Variants in RPTOR observed in about 807,000 individuals in gnomAD.
RPTOR encodes regulatory-associated protein of mTOR.
Under a neutral mutation model 169.9 loss-of-function variants are expected in RPTOR, and 21 were observed. The ratio of observed to expected loss-of-function variants is 0.12; its 90% confidence interval spans 0.09 to 0.18. The LOEUF is 0.18. Ranked by LOEUF, RPTOR falls within the 10% of genes least tolerant of loss-of-function variation. The probability of loss-of-function intolerance (pLI) is 1.00; values close to 1 mark genes in which losing one functional copy is unlikely to be tolerated. For missense variants in RPTOR, 1,133 were observed against 1,855.9 expected, an observed-to-expected ratio of 0.61 and a Z score of 7.16; for synonymous variants, 732 against 753.2, an observed-to-expected ratio of 0.97 and a Z score of 0.46.
chr17:80,705,426 A>C (rs1306297945), intron 3 of RPTOR, among the ~76,000 whole-genome samples: 1 of 152,180 alleles, frequency 6.6e-6, no homozygotes, highest in Non-Finnish European at 1.5e-5. Context: ...GCAGGTACAA[A>C]AATTTGGGGG....
intron 2 of RPTOR, among the ~76,000 whole-genome samples, chr17:80,639,344 G>A (rs1297716466): frequency 1.3e-5 from 2 of 151,708 alleles, no homozygotes; most frequent in Non-Finnish European, 2.9e-5. Context: ...AAGATTGTCC[G>A]AGCAGTGAGT....
intron 13 of RPTOR, among the ~76,000 whole-genome samples, chr17:80,873,342 T>C (rs978615582): frequency 6.6e-6 from 1 of 152,082 alleles, no homozygotes; most frequent in African/African-American, 2.4e-5. Context: ...ATTGTGATGT[T>C]TCTCCACAGC....
chr17:80,809,337 G>A (rs1330758147), intron 7 of RPTOR, among the ~76,000 whole-genome samples: 2 of 152,088 alleles, frequency 1.3e-5, no homozygotes, highest in Admixed American at 6.5e-5. Flanking sequence ...GATTACAGGC[G>A]GGCGCCACCA....
intron 28 of RPTOR, among the ~76,000 whole-genome samples, chr17:80,950,250 G>T (rs1039429473): frequency 3.3e-5 from 5 of 152,220 alleles, no homozygotes; most frequent in Non-Finnish European, 7.3e-5. Context: ...CAGAGTGAAC[G>T]CGTTACCCCG....
chr17:80,960,017 G>T lies in RPTOR; in HGVS notation c.3478-61G>T, dbSNP rs2069314720. The T allele has an allele frequency of 6.2e-6, 10 of 1,602,072 alleles. No individual in the cohort carries two copies. The highest frequency in any genetic ancestry group is 1.3e-5 in the African/African-American group (1 of 74,874). On this transcript the variant is annotated intron_variant, in intron 29 of 33. Coordinates refer to ENST00000306801, the MANE Select transcript of RPTOR (RefSeq NM_020761.3). The surrounding 1 kb of genome is among the most constrained non-coding windows in gnomAD (Gnocchi z 4.8). ...AGCAAGAGGGGTCCTGGCGCTGCAG[G>T]ACAGCAGGGAGGGTGGCTCGGTGCC...
At chr17:80,798,156 C>T (rs115391204) in intron 7 of RPTOR, among the ~76,000 whole-genome samples, 4,956 of 152,284 alleles carry the variant, frequency 0.033, 282 homozygotes, top group African/African-American at 0.11. Context: ...CAATGTGCCC[C>T]GGGCAAGGGA....
chr17:80,616,176 A>G (rs368918910), intron 1 of RPTOR, among the ~76,000 whole-genome samples: 67 of 152,336 alleles, frequency 4.4e-4, no homozygotes, highest in African/African-American at 1.6e-3. Flanking sequence ...TGAATGACTC[A>G]GTCCCATGAT....
intron 13 of RPTOR, among the ~76,000 whole-genome samples, chr17:80,869,500 G>A (rs1043744280): frequency 2.0e-5 from 3 of 152,148 alleles, no homozygotes; most frequent in African/African-American, 7.2e-5. Context: ...AAAAATGTGG[G>A]GGGATTTATT....
Position 80,885,147 on chromosome 17 carries a change from A to T in RPTOR, c.1982A>T (p.Lys661Met), listed in dbSNP as rs1317043218. 5.8e-6 allele frequency: 9 copies of T among 1,553,446 alleles called. No individual in the cohort carries two copies. Among genetic ancestry groups the T allele is most frequent in the Non-Finnish European group, 7.8e-6 (9 of 1,148,486 alleles). ...LVSDGSPMVR[K>M]ELVVALSHLV... ...AGCGACGGGAGCCCCATGGTCCGGA[A>T]GGTGCGTGAACCCCCAGCCCGGCAG... The change falls in exon 17 of 34, where the codon AAG (lysine) becomes ATG (methionine). Residue 661 changes from lysine (K) to methionine (M), a missense_variant and splice_region_variant. Coordinates refer to ENST00000306801, the MANE Select transcript of RPTOR (RefSeq NM_020761.3).
In RPTOR at chr17:80,960,896, G is replaced by A. The variant is rs545455658; in HGVS notation, c.3606-498G>A. The stretch of plus-strand genomic sequence containing the variant: ...GGGGACAGTCCGTCTTGGCCCACAC[G>A]GCTCATGCAGCAGAAGTAAATTTCA... On this transcript the variant is annotated intron_variant, in intron 30 of 33. Coordinates refer to ENST00000306801, the MANE Select transcript of RPTOR (RefSeq NM_020761.3). This position sits in a 1 kb window ranked among gnomAD's most constrained non-coding sequence, Gnocchi z 4.8. 26 of 166,396 alleles carry A rather than the reference G, an allele frequency of 1.6e-4. No individual in the cohort carries two copies. Among genetic ancestry groups the A allele is most frequent in the African/African-American group, 5.5e-4 (23 of 41,862 alleles). The allele number at this position is 166,396 out of a possible 1,614,324, so 10.3% of individuals were successfully genotyped here.
At chr17:80,723,753 T>C (rs2066306570) in intron 4 of RPTOR, among the ~76,000 whole-genome samples, 7 of 151,440 alleles carry the variant, frequency 4.6e-5, no homozygotes. Flanking sequence ...AACACATGCA[T>C]ATTGATTTGC....
At chr17:80,739,993 A>T (rs2066468698) in intron 5 of RPTOR, among the ~76,000 whole-genome samples, 1 of 152,208 alleles carries the variant, frequency 6.6e-6, no homozygotes, top group Non-Finnish European at 1.5e-5. Flanking sequence ...TTAAAAGCTG[A>T]TTCTCAGAAA....
At chr17:80,891,011 T>G (rs2068315773) in intron 17 of RPTOR, among the ~76,000 whole-genome samples, 1 of 152,032 alleles carries the variant, frequency 6.6e-6, no homozygotes, top group Non-Finnish European at 1.5e-5. Context: ...CAGAAAAAGT[T>G]GTCGTAGGGA....
intron 7 of RPTOR, among the ~76,000 whole-genome samples, chr17:80,807,497 C>T (rs58671037): frequency 0.085 from 12,993 of 152,014 alleles, 1,891 homozygotes; most frequent in African/African-American, 0.3. Context: ...ATTACAGGCA[C>T]ACACCACCAC....
chr17:80,940,465 G>A (rs2069010815), intron 24 of RPTOR, 31 bp from the exon 25 acceptor site: 1 of 1,584,344 alleles, frequency 6.3e-7, no homozygotes, highest in African/African-American at 1.3e-5. Context: ...TTTCATCGCT[G>A]GGCTTAACTG....
At position 80,947,146 on chromosome 17, in the gene RPTOR, G is replaced by T; in HGVS notation, c.3141-81G>T. 1 of 1,366,062 alleles carries T rather than the reference G, an allele frequency of 7.3e-7. No individual in the cohort carries two copies. Among genetic ancestry groups the T allele is most frequent in the Non-Finnish European group, 9.7e-7 (1 of 1,031,684 alleles). The allele number at this position is 1,366,062 out of a possible 1,614,324, so 84.6% of individuals were successfully genotyped here. A position where few individuals can be genotyped will look rare whatever the true frequency, so the allele number is the denominator to read the frequency against. ...TGTGTGGTTTTTTGATAGCAGCCCGGTGGGTTTCAGGAGGTATCTCACTGT... is the reference window on the plus strand; with the variant it reads ...TGTGTGGTTTTTTGATAGCAGCCCGTTGGGTTTCAGGAGGTATCTCACTGT... On this transcript the variant is annotated intron_variant, in intron 26 of 33. Transcript: ENST00000306801. This position sits in a 1 kb window ranked among gnomAD's most constrained non-coding sequence, Gnocchi z 4.4.
intron 24 of RPTOR, among the ~76,000 whole-genome samples, chr17:80,930,458 C>T (rs1283693438): frequency 3.4e-5 from 5 of 145,536 alleles, no homozygotes; most frequent in Admixed American, 6.9e-5. Flanking sequence ...TCAGCTCATC[C>T]CCAGCTCATC....
At chr17:80,653,036 G>A (rs187999749) in intron 3 of RPTOR, among the ~76,000 whole-genome samples, 13 of 152,298 alleles carry the variant, frequency 8.5e-5, no homozygotes, top group Admixed American at 4.6e-4. Flanking sequence ...TGGCCATTTG[G>A]AGGAGTCTCT....
chr17:80,906,663 G>A (rs1008507347), intron 20 of RPTOR, among the ~76,000 whole-genome samples: 1 of 152,216 alleles, frequency 6.6e-6, no homozygotes, highest in African/African-American at 2.4e-5. Flanking sequence ...CCTGTGAGGT[G>A]AGACATGTCA....
Sources: gnomAD v4.1 joint callset for allele counts (sites outside exome capture counted in the v4.1 genomes callset) on GRCh38, gnomAD v4.1.1 for gene constraint, Gnocchi (gnomAD v3.1) non-coding constraint, MANE v1.5 for transcripts, NCBI Gene and HGNC (gene_info 2026-07-23, HGNC 2026-07-21) for gene names.